The following TMEM71 variants were observed in gnomAD, a reference collection of about 807,000 sequenced individuals.
TMEM71 encodes the protein transmembrane protein 71.
A neutral mutation model predicts 38.0 loss-of-function variants in TMEM71; 44 were observed. The ratio of observed to expected loss-of-function variants is 1.16; its 90% confidence interval spans 0.91 to 1.49. TMEM71 has a LOEUF of 1.49. Among genes scored for constraint, TMEM71 ranks in the 40% most tolerant of loss-of-function variants. The pLI, the probability that TMEM71 is intolerant of heterozygous loss-of-function variation, is 0.00. For synonymous variants in TMEM71, 133 were observed against 122.5 expected, an observed-to-expected ratio of 1.09 and a Z score of -0.56; for missense variants, 367 against 348.6, an observed-to-expected ratio of 1.05 and a Z score of -0.42.
At chr8:132,711,955 A>G (rs775349267) in intron 9 of TMEM71, among the ~76,000 whole-genome samples, 5 of 152,048 alleles carry the variant, frequency 3.3e-5, no homozygotes, top group Non-Finnish European at 5.9e-5. Flanking sequence ...ATTAATAACC[A>G]TATCTTTGGT....
chr8:132,734,992 T>C (rs1208457809), intron 5 of TMEM71, among the ~76,000 whole-genome samples: 1 of 152,236 alleles, frequency 6.6e-6, no homozygotes, highest in East Asian at 1.9e-4. Context: ...AAGATATTTA[T>C]GTGACAGGCA....
At chr8:132,721,901 T>C in intron 7 of TMEM71, 139 bp downstream of exon 7, 1 of 765,730 alleles carries the variant, frequency 1.3e-6, no homozygotes, top group South Asian at 1.5e-5. Context: ...AAGGGAAACT[T>C]ATCATGGACA....
At chr8:132,748,181 C>T (rs1828498843) in intron 4 of TMEM71, among the ~76,000 whole-genome samples, 1 of 152,234 alleles carries the variant, frequency 6.6e-6, no homozygotes, top group Non-Finnish European at 1.5e-5. Context: ...TCACAAAATT[C>T]TGCTCTTTAG....
chr8:132,711,907 T>G (rs747222594), intron 9 of TMEM71, among the ~76,000 whole-genome samples: 41 of 152,070 alleles, frequency 2.7e-4, no homozygotes, highest in African/African-American at 9.4e-4. Flanking sequence ...CATCATTGAT[T>G]GTTAGAGGAG....
At chr8:132,717,749 A>C (rs375561329) in intron 7 of TMEM71, among the ~76,000 whole-genome samples, 45 of 152,364 alleles carry the variant, frequency 3.0e-4, no homozygotes, top group South Asian at 1.4e-3. Context: ...CTAGATATTT[A>C]ACCAAGAAAA....
intron 7 of TMEM71, among the ~76,000 whole-genome samples, chr8:132,718,218 A>G (rs1393201752): frequency 1.3e-5 from 2 of 152,222 alleles, no homozygotes; most frequent in Non-Finnish European, 1.5e-5. Flanking sequence ...TGCACTTAAA[A>G]ATAATTTTTA....
intron 5 of TMEM71, among the ~76,000 whole-genome samples, chr8:132,742,411 G>T (rs539516301): frequency 1.3e-5 from 2 of 152,064 alleles, no homozygotes; most frequent in Non-Finnish European, 1.5e-5. Flanking sequence ...AAAACACTCC[G>T]ATGTTGTCTC....
rs10531257 is a variant in TMEM71 at position 132,738,858 on chromosome 8, GCACACA to G, written c.487+8078_487+8083del. Among the ~76,000 whole-genome samples the G allele has an allele frequency of 2.8e-3, 423 of 150,568 alleles. 2 individuals are homozygous for G. Among genetic ancestry groups the G allele is most frequent in the African/African-American group, 9.6e-3 (392 of 40,972 alleles). On this transcript the variant is annotated intron_variant, in intron 5 of 9. Coordinates refer to ENST00000677595, the MANE Select transcript of TMEM71 (RefSeq NM_001382403.1). ...TCTTAAAACTAATCTAGTATTACAT[GCACACA>G]CACACACACACACACAGGAATATAT... is the stretch of plus-strand genomic sequence containing the variant.
the TMEM71 span, among the ~76,000 whole-genome samples, chr8:132,774,497 C>T: frequency 6.6e-6 from 1 of 152,188 alleles, no homozygotes; most frequent in Non-Finnish European, 1.5e-5. Context: ...CTTACTATAA[C>T]TGAAGCTTAA....
chr8:132,747,390 A>T (rs1279900590), intron 4 of TMEM71, among the ~76,000 whole-genome samples: 1 of 152,234 alleles, frequency 6.6e-6, no homozygotes, highest in Non-Finnish European at 1.5e-5. Context: ...CCTAGAGTTT[A>T]TTCTATGCCT....
chr8:132,756,564 A>C (rs1829031502), intron 3 of TMEM71, among the ~76,000 whole-genome samples: 1 of 149,218 alleles, frequency 6.7e-6, no homozygotes, highest in Non-Finnish European at 1.5e-5. Flanking sequence ...AAAGCAAGAC[A>C]TACAGGAAAA....
intron 5 of TMEM71, among the ~76,000 whole-genome samples, chr8:132,729,776 AATTAAAACCG>A (rs1221828734): frequency 6.6e-6 from 1 of 152,144 alleles, no homozygotes; most frequent in Admixed American, 6.5e-5. Flanking sequence ...AGAGGCAGAA[AATTAAAACCG>A]AGTTTCTGTA....
chr8:132,733,739 C>T (rs564728409), intron 5 of TMEM71, among the ~76,000 whole-genome samples: 4 of 152,242 alleles, frequency 2.6e-5, no homozygotes, highest in East Asian at 1.9e-4. Flanking sequence ...AGCCAAGATG[C>T]GGAAGCAGCC....
At position 132,746,924 on chromosome 8, in the gene TMEM71, A is replaced by G. The variant is rs1828420399; in HGVS notation, c.487+18T>C. ...TTGGAGATAAAATTTTACTATGGAA[A>G]GGAGGACTCAAACTCACCATTTCCA... On this transcript the variant is annotated intron_variant, in intron 5 of 9. Coordinates refer to ENST00000677595, the MANE Select transcript of TMEM71 (RefSeq NM_001382403.1). The G allele has an allele frequency of 3.8e-6, 6 of 1,560,672 alleles. No individual in the cohort carries two copies. Among genetic ancestry groups the G allele is most frequent in the Non-Finnish European group, 5.2e-6 (6 of 1,156,438 alleles).
At chr8:132,711,092 C>T in intron 9 of TMEM71, 110 bp from the exon 10 acceptor site, 1 of 957,922 alleles carries the variant, frequency 1.0e-6, no homozygotes, top group Non-Finnish European at 1.6e-6. Context: ...ACACCCACAC[C>T]CATACCCACA....
chr8:132,769,144 A>G, the TMEM71 span, among the ~76,000 whole-genome samples: 1 of 152,236 alleles, frequency 6.6e-6, no homozygotes, highest in Non-Finnish European at 1.5e-5. Context: ...CAGTTCTTGA[A>G]TTGAAACTAT....
At chr8:132,725,494 T>A (rs527837981) in intron 6 of TMEM71, among the ~76,000 whole-genome samples, 1 of 152,298 alleles carries the variant, frequency 6.6e-6, no homozygotes, top group Non-Finnish European at 1.5e-5. Flanking sequence ...GATGAGCCAA[T>A]AAATTCTATT....
chr8:132,719,151 C>T (rs148834265), intron 7 of TMEM71, among the ~76,000 whole-genome samples: 44 of 152,302 alleles, frequency 2.9e-4, no homozygotes, highest in East Asian at 2.5e-3. Context: ...ATATTTCCCG[C>T]GCCCTTTAAG....
chr8:132,751,677 A>G (rs1828716401), intron 4 of TMEM71, 108 bp downstream of exon 4: 1 of 1,051,284 alleles, frequency 9.5e-7, no homozygotes, highest in Non-Finnish European at 1.5e-6. Flanking sequence ...CACAGTCTGG[A>G]GCAATAATGG....
Sources: allele counts gnomAD v4.1 joint callset (sites outside exome capture counted in the v4.1 genomes callset), GRCh38; gene constraint gnomAD v4.1.1; transcripts MANE v1.5; gene names NCBI Gene and HGNC (gene_info 2026-07-23, HGNC 2026-07-21).